Variants in SH3YL1 observed in about 807,000 individuals in gnomAD.
SH3YL1 encodes the protein SH3 domain-containing YSC84-like protein 1.
A neutral mutation model predicts 45.8 loss-of-function variants in SH3YL1; 41 were observed. That is an observed-to-expected ratio of 0.89 (90% CI 0.70 to 1.16). The LOEUF (loss-of-function observed/expected upper bound fraction) is 1.16, where lower values mean the gene tolerates loss of function less well. Ranked by LOEUF, SH3YL1 falls within the 50% of genes most tolerant of loss-of-function variation. The pLI is 0.00. For missense variants in SH3YL1, 389 were observed against 409.6 expected, an observed-to-expected ratio of 0.95 and a Z score of 0.43; for synonymous variants, 152 against 151.4, an observed-to-expected ratio of 1.00 and a Z score of -0.03.
intron 6 of SH3YL1, among the ~76,000 whole-genome samples, chr2:232,663 A>G (rs764529036): frequency 2.4e-4 from 36 of 151,998 alleles, no homozygotes; most frequent in Admixed American, 1.6e-3. Flanking sequence ...TCATTGTTCA[A>G]TTCCCACCTG....
Position 247,590 on chromosome 2 carries a change from G to A in SH3YL1, c.239C>T (p.Pro80Leu), listed in dbSNP as rs763180397. 4 of 1,550,836 alleles carry A rather than the reference G, an allele frequency of 2.6e-6. No individual in the cohort carries two copies. The highest frequency in any genetic ancestry group is 1.7e-4 in the Middle Eastern group (1 of 5,994). Residue 80 changes from proline (P) to leucine (L), a missense_variant, in exon 4 of 10, where the codon CCC (proline) becomes CTC (leucine). Transcript: ENST00000356150. ...ARLPDGKWSA[P>L]SAIGIAGLGG... ...AAGGCCAGCTATCCCAATGGCTGAG[G>A]GTGCAGACCATTCTAATAAAAAAAC...
chr2:263,851 G>A (rs779646443), intron 1 of SH3YL1, 133 bp downstream of exon 1: 8 of 713,722 alleles, frequency 1.1e-5, no homozygotes, highest in Non-Finnish European at 1.7e-5. Flanking sequence ...AACTTTGGGC[G>A]GTTTGCGGTT....
chr2:237,589 C>A (rs1409790116), intron 4 of SH3YL1, among the ~76,000 whole-genome samples: 1 of 151,896 alleles, frequency 6.6e-6, no homozygotes, highest in Admixed American at 6.6e-5. Flanking sequence ...ACAGTCTGAT[C>A]GAAGAAATAA....
chr2:259,616 T>C (rs1669503560), intron 1 of SH3YL1: 1 of 151,770 alleles, frequency 6.6e-6, no homozygotes, highest in Non-Finnish European at 1.5e-5. Context: ...CTGTGACACA[T>C]TACAAAGCCT....
intron 4 of SH3YL1, among the ~76,000 whole-genome samples, chr2:238,118 A>T (rs1462338876): frequency 1.3e-5 from 2 of 152,120 alleles, no homozygotes; most frequent in African/African-American, 4.8e-5. Flanking sequence ...TTCAAGCCCC[A>T]CATCTGGACA....
Position 250,982 on chromosome 2 carries a change from C to T in SH3YL1, c.113-1138G>A, listed in dbSNP as rs535729042. Among the ~76,000 whole-genome samples, 5 of 152,310 alleles carry T rather than the reference C, an allele frequency of 3.3e-5. No individual in the cohort carries two copies. The East Asian group carries it at 7.7e-4, about 24-fold the overall frequency. On this transcript the variant is annotated intron_variant, in intron 2 of 9. Coordinates refer to ENST00000356150, the MANE Select transcript of SH3YL1 (RefSeq NM_015677.4). Reference sequence around the variant, plus strand: ...TATATGTTGTGCAGATTTATTTTTACAGCCACCTGTTGGCAGAATGTCTTC... The same window carrying T: ...TATATGTTGTGCAGATTTATTTTTATAGCCACCTGTTGGCAGAATGTCTTC...
chr2:232,954 G>T, intron 6 of SH3YL1, 147 bp downstream of exon 6: 1 of 541,736 alleles, frequency 1.8e-6, no homozygotes, highest in Non-Finnish European at 2.8e-6. Context: ...TATATTATTT[G>T]TATATTTAAT....
At chr2:239,163 A>G (rs561349012) in intron 4 of SH3YL1, among the ~76,000 whole-genome samples, 2 of 152,322 alleles carry the variant, frequency 1.3e-5, no homozygotes, top group East Asian at 3.9e-4. Context: ...AGTTAAGAGA[A>G]CTGACCTTAA....
At chr2:263,850 C>T (rs769482009) in intron 1 of SH3YL1, 134 bp downstream of exon 1, 3 of 702,190 alleles carry the variant, frequency 4.3e-6, no homozygotes, top group South Asian at 3.3e-5. Flanking sequence ...TAACTTTGGG[C>T]GGTTTGCGGT....
At chr2:235,660 A>G (rs1174299372) in intron 4 of SH3YL1, among the ~76,000 whole-genome samples, 1 of 101,944 alleles carries the variant, frequency 9.8e-6, no homozygotes, top group Non-Finnish European at 2.0e-5. Flanking sequence ...CAGGGGAGGC[A>G]GCAGCACGGG....
chr2:263,720 T>C, intron 1 of SH3YL1: 1 of 441,206 alleles, frequency 2.3e-6, no homozygotes, highest in East Asian at 3.7e-5. Context: ...AAGTTAAAAA[T>C]AACACGACCA....
At chr2:254,784 T>G (rs1220282369) in intron 1 of SH3YL1, among the ~76,000 whole-genome samples, 3 of 152,190 alleles carry the variant, frequency 2.0e-5, no homozygotes, top group African/African-American at 7.2e-5. Flanking sequence ...GAACTCAGAC[T>G]CATCCCTCTG....
At chr2:264,222 GC>G, upstream of SH3YL1, 1 of 511,180 alleles carries the variant, frequency 2.0e-6, no homozygotes, top group Non-Finnish European at 3.3e-6. Flanking sequence ...AGATCGAAAA[GC>G]CCAGAGCCCC....
rs373205095 is a variant in SH3YL1 at position 233,213 on chromosome 2, C to T, written c.421G>A (p.Val141Met). 4.5e-5 allele frequency: 71 copies of T among 1,573,680 alleles called. No individual in the cohort carries two copies. Among genetic ancestry groups the T allele is most frequent in the South Asian group, 1.1e-4 (9 of 84,894 alleles). ...GPLGRNLEGN[V>M]ALRSSAAVFT... Reference sequence around the variant, plus strand: ...ACGGCAGCGGAGCTTCTCAGGGCCACGTTTCCTTCCAAGTTCCTGCAAAGC... The same window carrying T: ...ACGGCAGCGGAGCTTCTCAGGGCCATGTTTCCTTCCAAGTTCCTGCAAAGC... Residue 141 changes from valine to methionine, a missense_variant, in exon 6 of 10, where the codon GTG becomes ATG. Val to Met is a conservative substitution (Grantham distance 21). Coordinates refer to ENST00000356150, the MANE Select transcript of SH3YL1 (RefSeq NM_015677.4).
At chr2:264,165 G>C (rs1669737674), upstream of SH3YL1, 1 of 871,164 alleles carries the variant, frequency 1.1e-6, no homozygotes, top group Non-Finnish European at 1.6e-6. Context: ...CCGCCGGGCC[G>C]CGCTCAGGCC....
Position 227,134 on chromosome 2 carries a change from T to C in SH3YL1, c.782-2214A>G, listed in dbSNP as rs532574682. Among the ~76,000 whole-genome samples, 7 of 152,042 alleles carry C rather than the reference T, an allele frequency of 4.6e-5. No homozygotes were observed. The South Asian group carries it at 1.2e-3, about 27-fold the overall frequency. On this transcript the variant is annotated intron_variant, in intron 8 of 9. Transcript: ENST00000356150. ...GGGAGTGTATATATGGTGGGGAGTA[T>C]ATATGGTTAGGATTGTACATGGTGG...
Position 234,278 on chromosome 2 carries a change from G to C in SH3YL1, c.292-6C>G, listed in dbSNP as rs1395782744. 1.3e-6 allele frequency: 2 copies of C among 1,597,970 alleles called. No homozygotes were observed. The highest frequency in any genetic ancestry group is 3.5e-5 in the Admixed American group (2 of 57,346). ...ATTATCACCAAGTCTGATACCTAAA[G>C]TGTAGAAACCCATGGATTTAAAAAT... On this transcript the variant is annotated splice_region_variant and splice_polypyrimidine_tract_variant and intron_variant, in intron 4 of 9. Coordinates refer to ENST00000356150, the MANE Select transcript of SH3YL1 (RefSeq NM_015677.4).
intron 4 of SH3YL1, among the ~76,000 whole-genome samples, chr2:247,015 G>A (rs1668844970): frequency 6.6e-6 from 1 of 152,210 alleles, no homozygotes; most frequent in Non-Finnish European, 1.5e-5. Flanking sequence ...GGATCCCCGT[G>A]TAGGAGGCCT....
At chr2:219,194 A>AT (rs1667477534) in intron 9 of SH3YL1, among the ~76,000 whole-genome samples, 193 bp from the exon 10 acceptor site, 1 of 152,114 alleles carries the variant, frequency 6.6e-6, no homozygotes, top group Non-Finnish European at 1.5e-5. Context: ...ATACCTAAGG[A>AT]TTTAGCACAT....
Sources: gnomAD v4.1 joint callset for allele counts (sites outside exome capture counted in the v4.1 genomes callset) on GRCh38, gnomAD v4.1.1 for gene constraint, MANE v1.5 for transcripts, NCBI Gene and HGNC (gene_info 2026-07-23, HGNC 2026-07-21) for gene names.